ADTRP: variants seen among roughly 807,000 people sequenced by gnomAD.
The protein encoded by ADTRP is androgen dependent TFPI regulating protein, also known as androgen-dependent TFPI-regulating protein.
In ADTRP, 20 loss-of-function variants were observed where a neutral mutation model predicts 27.0. The ratio of observed to expected loss-of-function variants is 0.74; its 90% CI spans 0.52 to 1.08. The LOEUF (loss-of-function observed/expected upper bound fraction) is 1.08. ADTRP is among the 50% of genes least tolerant of loss of function. ADTRP has a pLI of 0.00. For synonymous variants in ADTRP, 101 were observed against 105.2 expected (o/e 0.96, Z 0.25); for missense variants, 251 against 275.0 (o/e 0.91, Z 0.62).
At chr6:11,771,532 C>T (rs190079339) in intron 1 of ADTRP, among the ~76,000 whole-genome samples, 13 of 152,278 alleles carry the variant, frequency 8.5e-5, no homozygotes, top group Admixed American at 2.0e-4. Flanking sequence ...CCATCCCACC[C>T]GAACGGTCTG....
chr6:11,742,409 A>G (rs1210523993), intron 3 of ADTRP, among the ~76,000 whole-genome samples: 2 of 152,242 alleles, frequency 1.3e-5, no homozygotes, highest in Non-Finnish European at 2.9e-5. Flanking sequence ...ATGAGAAGAT[A>G]GAAATGAAAA....
At chr6:11,721,178 G>A (rs1762013697) in intron 5 of ADTRP, among the ~76,000 whole-genome samples, 1 of 152,228 alleles carries the variant, frequency 6.6e-6, no homozygotes. Flanking sequence ...TGGAAGAGGC[G>A]AGTGTTGAAA....
intron 5 of ADTRP, among the ~76,000 whole-genome samples, chr6:11,719,346 G>A (rs939363134): frequency 1.3e-5 from 2 of 152,228 alleles, no homozygotes; most frequent in Non-Finnish European, 2.9e-5. Context: ...ATGAGCATCA[G>A]AGGCCTATAC....
At chr6:11,755,144 G>A in intron 3 of ADTRP, 1 of 854,126 alleles carries the variant, frequency 1.2e-6, no homozygotes, top group Non-Finnish European at 1.4e-6. Flanking sequence ...TCACCAGCAA[G>A]CCCTCAAGGT....
At chr6:11,755,577 T>C (rs1763189493) in intron 3 of ADTRP, among the ~76,000 whole-genome samples, 1 of 152,220 alleles carries the variant, frequency 6.6e-6, no homozygotes, top group Admixed American at 6.5e-5. Flanking sequence ...ATGGCTTTAT[T>C]GTGATTATTC....
At position 11,714,139 on chromosome 6, in the gene ADTRP, C is replaced by G. The variant is rs758283326; in HGVS notation, c.*339G>C. ...TGTAAACTGAAGAGTTTAAATGACT[C>G]TAAGTTCCTCTCTCTCTCTCTAGAT... On this transcript the variant is annotated 3_prime_UTR_variant, in exon 6 of 6. Coordinates refer to ENST00000414691, the MANE Select transcript of ADTRP (RefSeq NM_032744.4). 1.1e-5 allele frequency: 3 copies of G among 279,740 alleles called. No individual in the cohort carries two copies. Among genetic ancestry groups the G allele is most frequent in the Non-Finnish European group, 2.0e-5 (3 of 149,084 alleles). 17.3% of individuals were successfully genotyped at this position (279,740 alleles called of 1,614,324 possible).
intron 4 of ADTRP, among the ~76,000 whole-genome samples, chr6:11,729,571 A>G (rs998199970): frequency 5.3e-5 from 8 of 151,768 alleles, no homozygotes; most frequent in African/African-American, 1.9e-4. Flanking sequence ...CTTTCCAGCA[A>G]TCTTGTCACT....
intron 3 of ADTRP, among the ~76,000 whole-genome samples, chr6:11,762,201 C>G (rs1763410840): frequency 6.6e-6 from 1 of 152,240 alleles, no homozygotes; most frequent in African/African-American, 2.4e-5. Flanking sequence ...TCCAGGCCAA[C>G]TAGCCATGCC....
chr6:11,732,345 C>T (rs536265061), intron 4 of ADTRP, among the ~76,000 whole-genome samples: 50 of 152,210 alleles, frequency 3.3e-4, no homozygotes, highest in Non-Finnish European at 5.1e-4. Flanking sequence ...TTACCTCATT[C>T]GTGTTATGCC....
At chr6:11,725,899 C>CGAAAAAAAA (rs1762178477) in intron 4 of ADTRP, among the ~76,000 whole-genome samples, 1 of 89,942 alleles carries the variant, frequency 1.1e-5, no homozygotes, top group Non-Finnish European at 2.1e-5. Context: ...GACTCTATCT[C>CGAAAAAAAA]AAAAAAAAAA....
intron 5 of ADTRP, among the ~76,000 whole-genome samples, chr6:11,718,134 G>A (rs1036895468): frequency 6.6e-6 from 1 of 152,216 alleles, no homozygotes; most frequent in Admixed American, 6.5e-5. Context: ...CACTCCCAGC[G>A]CCACTTGGCC....
intron 3 of ADTRP, among the ~76,000 whole-genome samples, chr6:11,737,927 A>T (rs1375423575): frequency 6.6e-6 from 1 of 152,172 alleles, no homozygotes; most frequent in East Asian, 1.9e-4. Context: ...CTCTCCGTCT[A>T]ATAAAAGAGC....
In ADTRP at chr6:11,735,609, T is replaced by G; in HGVS notation, c.465A>C (p.Gly155=). 6.2e-7 allele frequency: 1 copy of G among 1,613,950 alleles called. No individual in the cohort carries two copies. Among genetic ancestry groups the G allele is most frequent in the Non-Finnish European group, 8.5e-7 (1 of 1,179,956 alleles). Reference sequence around the variant, plus strand: ...TGCTGGCAGCAGCCAGCAAGGTGAGTCCTGTCTTCTTTGATGGATAGGAGT... The same window carrying G: ...TGCTGGCAGCAGCCAGCAAGGTGAGGCCTGTCTTCTTTGATGGATAGGAGT... ...RPHSYPSKKT[G]LTLLAAASIA... is the part of the protein sequence containing the mutation. Residue 155 remains glycine, a synonymous_variant, in exon 4 of 6, where the codon GGA becomes GGC. Coordinates refer to ENST00000414691, the MANE Select transcript of ADTRP (RefSeq NM_032744.4).
chr6:11,770,609 C>G (rs920012931), intron 1 of ADTRP, among the ~76,000 whole-genome samples: 2 of 151,980 alleles, frequency 1.3e-5, no homozygotes, highest in African/African-American at 4.8e-5. Flanking sequence ...AGCTTTCGAA[C>G]CAGAAAGGGG....
chr6:11,735,762 CCAGTCTACCTCTTA>C (rs1175622163), intron 3 of ADTRP, 79 bp from the exon 4 acceptor site: 1 of 943,738 alleles, frequency 1.1e-6, no homozygotes, highest in Non-Finnish European at 1.7e-6. Context: ...TGTTCCCCTT[CCAGTCTACCTCTTA>C]CACACTGCTA....
chr6:11,729,714 C>G (rs145749238), intron 4 of ADTRP, among the ~76,000 whole-genome samples: 2 of 152,096 alleles, frequency 1.3e-5, no homozygotes, highest in African/African-American at 4.8e-5. Context: ...GACTTGAGGG[C>G]CTTAAAAATT....
In ADTRP at chr6:11,760,325, C is replaced by G. The variant is rs545860522; in HGVS notation, c.390+5949G>C. ...AAATTGCCAAGTCCAGTGGAAAGGT[C>G]TGACTCGAGTCCTCTTACAAGGTCA... is the stretch of plus-strand genomic sequence containing the variant. On this transcript the variant is annotated intron_variant, in intron 3 of 5. Transcript: ENST00000414691. Among the ~76,000 whole-genome samples, 4 of 152,294 alleles carry G rather than the reference C, an allele frequency of 2.6e-5. No homozygotes were observed. The South Asian group carries it at 8.3e-4, about 32-fold the overall frequency.
chr6:11,721,858 G>T (rs906027067), intron 5 of ADTRP, among the ~76,000 whole-genome samples: 1 of 152,076 alleles, frequency 6.6e-6, no homozygotes, highest in African/African-American at 2.4e-5. Flanking sequence ...TGATAATTTT[G>T]TTTTTTAATT....
At chr6:11,760,228 A>G (rs1220022488) in intron 3 of ADTRP, among the ~76,000 whole-genome samples, 1 of 152,160 alleles carries the variant, frequency 6.6e-6, no homozygotes, top group Non-Finnish European at 1.5e-5. Context: ...ACAAGGACAG[A>G]GCATAACCAA....
Sources: gnomAD v4.1 joint callset for allele counts (sites outside exome capture counted in the v4.1 genomes callset) on GRCh38, gnomAD v4.1.1 for gene constraint, MANE v1.5 for transcripts, NCBI Gene and HGNC (gene_info 2026-07-23, HGNC 2026-07-21) for gene names.